GRK1: variants seen among roughly 807,000 people sequenced by gnomAD.
GRK1 encodes the protein rhodopsin kinase GRK1.
GRK1 carries 28 observed loss-of-function variants against 41.7 expected under a neutral mutation model. The ratio of observed to expected loss-of-function variants is 0.67; its 90% CI spans 0.50 to 0.92. GRK1 has a LOEUF of 0.92. Ranked by LOEUF, GRK1 falls within the 40% of genes least tolerant of loss-of-function variation. GRK1 has a pLI of 0.00. For missense variants in GRK1, 703 were observed against 671.2 expected, an observed-to-expected ratio of 1.05 and a Z score of -0.52; for synonymous variants, 327 against 286.7, an observed-to-expected ratio of 1.14 and a Z score of -1.42.
chr13:113,650,596 C>T, the GRK1 span: 432 of 994,824 alleles, frequency 4.3e-4, no homozygotes, highest in Non-Finnish European at 6.0e-4. This position sits in a 1 kb window ranked among gnomAD's most constrained non-coding sequence, Gnocchi z 5.0. Flanking sequence ...TGTGCACACA[C>T]GCGCTGTGTA....
At chr13:113,657,380 C>T in the GRK1 span, among the ~76,000 whole-genome samples, 6 of 152,226 alleles carry the variant, frequency 3.9e-5, no homozygotes, top group South Asian at 4.1e-4. Flanking sequence ...GGGCGTTTCC[C>T]GGAACGGGTG....
intron 3 of GRK1, among the ~76,000 whole-genome samples, chr13:113,672,448 T>C (rs987150697): frequency 9.2e-5 from 14 of 151,732 alleles, no homozygotes; most frequent in African/African-American, 1.7e-4. Context: ...GTGGTATGTG[T>C]GGTATTGTGT....
At chr13:113,655,725 C>T in the GRK1 span, among the ~76,000 whole-genome samples, 4 of 152,190 alleles carry the variant, frequency 2.6e-5, no homozygotes, top group Non-Finnish European at 5.9e-5. Flanking sequence ...CGGCTTTTGT[C>T]TTTCTGGAAA....
At chr13:113,670,698 A>G (rs187046658) in intron 2 of GRK1, among the ~76,000 whole-genome samples, 32 of 41,074 alleles carry the variant, frequency 7.8e-4, no homozygotes, top group South Asian at 1.9e-3. Flanking sequence ...GCGCTGGGAA[A>G]CGCAGACACA....
At chr13:113,733,803 C>CTG (rs774641194) in intron 6 of GRK1, among the ~76,000 whole-genome samples, 1 of 70,818 alleles carries the variant, frequency 1.4e-5, no homozygotes, top group Admixed American at 1.5e-4. Context: ...GTATGTGTAT[C>CTG]TGTGTGCATA....
intron 6 of GRK1, among the ~76,000 whole-genome samples, chr13:113,733,834 C>A (rs1274785648): frequency 2.0e-5 from 2 of 98,538 alleles, no homozygotes; most frequent in African/African-American, 4.9e-5. Context: ...TGTGTGTGCA[C>A]GTGCGTGTGC....
the GRK1 span, chr13:113,649,268 A>C: frequency 7.1e-7 from 1 of 1,403,090 alleles, no homozygotes; most frequent in Non-Finnish European, 9.6e-7. The surrounding 1 kb of genome is among the most constrained non-coding windows in gnomAD (Gnocchi z 4.7). Context: ...GCTCCAAACC[A>C]CTTTGGGGAT....
chr13:113,733,622 CAT>C (rs1353446784), intron 6 of GRK1, among the ~76,000 whole-genome samples: 10 of 141,064 alleles, frequency 7.1e-5, no homozygotes, highest in South Asian at 2.3e-4. Context: ...TATGTGTGTG[CAT>C]ACGTGTGTGC....
chr13:113,735,363 G>T lies in GRK1; in HGVS notation c.1692G>T (p.Ter564TyrextTer30), dbSNP rs1346292099. The T allele has an allele frequency of 2.0e-6, 3 of 1,491,762 alleles. No homozygotes were observed. In the South Asian group the frequency reaches 3.9e-5, roughly 19 times the overall value. 92.4% of individuals were successfully genotyped at this position (1,491,762 alleles called of 1,614,324 possible). A position where few individuals can be genotyped will look rare whatever the true frequency, so the allele number is the denominator to read the frequency against. The change falls in exon 7 of 7, where the codon TAG (stop) becomes TAT (tyrosine). Residue 564 changes from the stop codon to tyrosine, a stop_lost. Coordinates refer to ENST00000335678, the MANE Select transcript of GRK1 (RefSeq NM_002929.3). ...SSKSGMCLVS[*>Y] ...AGTCAGGGATGTGTCTGGTTTCCTA[G>T]GTGACGCCCCAGAGTCCACGTGGAG...
rs1305031261 is a variant in GRK1 at position 113,735,361 on chromosome 13, T to C, written c.1690T>C (p.Ter564GlnextTer30). 6.7e-7 allele frequency: 1 copy of C among 1,493,508 alleles called. No individual in the cohort carries two copies. Among genetic ancestry groups the C allele is most frequent in the East Asian group, 2.5e-5 (1 of 40,290 alleles). 92.5% of individuals were successfully genotyped at this position (1,493,508 alleles called of 1,614,324 possible). The part of the protein sequence containing the change: ...SSKSGMCLVS[*>Q] ...CAAGTCAGGGATGTGTCTGGTTTCC[T>C]AGGTGACGCCCCAGAGTCCACGTGG... Residue 564 changes from the stop codon to glutamine (Q), a stop_lost, in exon 7 of 7, where the codon TAG becomes CAG. Coordinates refer to ENST00000335678, the MANE Select transcript of GRK1 (RefSeq NM_002929.3).
At chr13:113,664,732 A>G (rs527250391), upstream of GRK1, among the ~76,000 whole-genome samples, 512 of 152,280 alleles carry the variant, frequency 3.4e-3, 3 homozygotes, top group Middle Eastern at 0.01. The surrounding 1 kb of genome is among the most constrained non-coding windows in gnomAD (Gnocchi z 5.4). Context: ...CCACTGAAGC[A>G]GACTCTTTAT....
At chr13:113,657,233 T>A in the GRK1 span, among the ~76,000 whole-genome samples, 2 of 152,030 alleles carry the variant, frequency 1.3e-5, no homozygotes, top group Admixed American at 6.5e-5. Flanking sequence ...ACCGTGGGAA[T>A]TGAGGAGGGC....
intron 6 of GRK1, among the ~76,000 whole-genome samples, chr13:113,733,791 GTGTA>G (rs1199594301): frequency 1.5e-5 from 2 of 137,792 alleles, no homozygotes; most frequent in East Asian, 2.0e-4. Flanking sequence ...GTGTGCATGT[GTGTA>G]TGTGTATCTG....
chr13:113,650,305 T>G, the GRK1 span: 1 of 1,163,016 alleles, frequency 8.6e-7, no homozygotes, highest in Non-Finnish European at 1.3e-6. This position sits in a 1 kb window ranked among gnomAD's most constrained non-coding sequence, Gnocchi z 5.0. Context: ...GTCACACCTT[T>G]GTTTCATTTT....
At chr13:113,652,331 T>A in the GRK1 span, among the ~76,000 whole-genome samples, 1 of 152,196 alleles carries the variant, frequency 6.6e-6, no homozygotes, top group Non-Finnish European at 1.5e-5. Flanking sequence ...GCCTGCAGCC[T>A]CTTAAGTGGA....
chr13:113,733,945 C>CGTGTGTGTGCATACGTGTGTCT (rs1566700426), intron 6 of GRK1, among the ~76,000 whole-genome samples: 1 of 80,322 alleles, frequency 1.2e-5, no homozygotes, highest in African/African-American at 5.7e-5. Flanking sequence ...TACGTGTGTG[C>CGTGTGTGTGCATACGTGTGTCT]GTGTGTGTGC....
intron 6 of GRK1, among the ~76,000 whole-genome samples, chr13:113,733,649 ATACGTGTGTG>A (rs1474407077): frequency 5.9e-5 from 6 of 102,060 alleles, no homozygotes; most frequent in African/African-American, 2.5e-4. Flanking sequence ...GTATGTGTGC[ATACGTGTGTG>A]TGCGTGTGTG....
chr13:113,734,460 T>A (rs2049988089), intron 6 of GRK1: 1 of 152,480 alleles, frequency 6.6e-6, no homozygotes, highest in South Asian at 2.1e-4. Flanking sequence ...CTGTGCAGTG[T>A]CTGCTGGCAC....
upstream of GRK1, among the ~76,000 whole-genome samples, chr13:113,665,351 C>CCG (rs1381417074): frequency 4.1e-4 from 62 of 152,096 alleles, no homozygotes; most frequent in African/African-American, 1.4e-3. Context: ...AGGTGTGTTG[C>CCG]AGGTGTGTCC....
Sources: allele counts gnomAD v4.1 joint callset (sites outside exome capture counted in the v4.1 genomes callset), GRCh38; gene constraint gnomAD v4.1.1; non-coding constraint Gnocchi (gnomAD v3.1); transcripts MANE v1.5; gene names NCBI Gene and HGNC (gene_info 2026-07-23, HGNC 2026-07-21).